PDE4B: variants seen among roughly 807,000 people sequenced by gnomAD.
PDE4B encodes the protein 3',5'-cyclic-AMP phosphodiesterase 4B.
Under a neutral mutation model 82.2 loss-of-function variants are expected in PDE4B, and 20 were observed. The observed-to-expected ratio is 0.24, with a 90% confidence interval of 0.17 to 0.35. The LOEUF (loss-of-function observed/expected upper bound fraction) is 0.35. Among genes scored for constraint, PDE4B ranks in the 10% least tolerant of loss-of-function variants. PDE4B has a pLI of 1.00. For missense variants in PDE4B, 655 were observed against 907.2 expected (o/e 0.72, Z 3.57); for synonymous variants, 320 against 318.9 (o/e 1.00, Z -0.04).
chr1:66,217,529 C>T (rs1452607941), intron 3 of PDE4B, among the ~76,000 whole-genome samples: 2 of 152,028 alleles, frequency 1.3e-5, no homozygotes, highest in Non-Finnish European at 2.9e-5. Context: ...TGGCTGAACT[C>T]GACCAAAAGT....
chr1:66,193,665 T>A (rs1240333766), intron 3 of PDE4B, among the ~76,000 whole-genome samples: 1 of 152,168 alleles, frequency 6.6e-6, no homozygotes, highest in Non-Finnish European at 1.5e-5. Context: ...ATTTGACCTT[T>A]TAACATTTAG....
chr1:65,798,782 A>G (rs963373133), intron 1 of PDE4B, among the ~76,000 whole-genome samples: 1 of 152,228 alleles, frequency 6.6e-6, no homozygotes, highest in African/African-American at 2.4e-5. Context: ...ACCTTAGTTC[A>G]AGATAGCTTA....
At chr1:66,190,369 AGG>A (rs1255106015) in intron 3 of PDE4B, among the ~76,000 whole-genome samples, 1 of 152,204 alleles carries the variant, frequency 6.6e-6, no homozygotes, top group African/African-American at 2.4e-5. Flanking sequence ...GCTGTCAGAC[AGG>A]GACATTGAAG....
At chr1:66,029,966 G>A (rs1653672314) in intron 3 of PDE4B, among the ~76,000 whole-genome samples, 1 of 151,602 alleles carries the variant, frequency 6.6e-6, no homozygotes, top group African/African-American at 2.4e-5. Context: ...CTCAGATTAA[G>A]TGGGATAGTC....
intron 7 of PDE4B, among the ~76,000 whole-genome samples, chr1:66,302,713 A>G (rs373270990): frequency 6.6e-6 from 1 of 152,208 alleles, no homozygotes. Context: ...AAAGTGGAAT[A>G]AAAGCAAAAG....
chr1:66,140,942 T>C (rs1483437966), intron 3 of PDE4B, among the ~76,000 whole-genome samples: 2 of 152,216 alleles, frequency 1.3e-5, no homozygotes, highest in African/African-American at 4.8e-5. Context: ...TTGTGAGATA[T>C]ATTTAACAAC....
At chr1:65,994,397 C>G (rs1451416501) in intron 3 of PDE4B, among the ~76,000 whole-genome samples, 4 of 152,082 alleles carry the variant, frequency 2.6e-5, no homozygotes, top group Non-Finnish European at 5.9e-5. Context: ...GGCTTTATTG[C>G]AGATTTTCTT....
intron 1 of PDE4B, among the ~76,000 whole-genome samples, chr1:65,906,124 T>G (rs748744416): frequency 1.1e-3 from 172 of 152,310 alleles, no homozygotes; most frequent in Non-Finnish European, 1.9e-3. Flanking sequence ...AGTGGCTGTT[T>G]GATAAATACC....
chr1:66,128,081 T>A (rs1168201569), intron 3 of PDE4B, among the ~76,000 whole-genome samples: 1 of 152,222 alleles, frequency 6.6e-6, no homozygotes, highest in African/African-American at 2.4e-5. Flanking sequence ...AATAATACCA[T>A]GTGTTTGAAA....
intron 8 of PDE4B, among the ~76,000 whole-genome samples, chr1:66,338,741 G>A (rs530160654): frequency 5.3e-5 from 8 of 152,258 alleles, no homozygotes; most frequent in South Asian, 4.1e-4. Flanking sequence ...ATTCTTGGCC[G>A]GGCGCGGTGG....
intron 2 of PDE4B, among the ~76,000 whole-genome samples, chr1:65,914,831 T>G (rs1329971567): frequency 6.6e-6 from 1 of 152,184 alleles, no homozygotes; most frequent in East Asian, 1.9e-4. Context: ...GCAATGGATA[T>G]GAACATTAAC....
Position 66,169,784 on chromosome 1 carries a change from G to A in PDE4B, c.282-77676G>A, listed in dbSNP as rs1307280851. Among the ~76,000 whole-genome samples the A allele has an allele frequency of 3.9e-5, 6 of 152,188 alleles. No homozygotes were observed. In the South Asian group the frequency reaches 1.2e-3, roughly 31 times the overall value. On this transcript the variant is annotated intron_variant, in intron 3 of 16. Transcript: ENST00000341517. Reference sequence around the variant, plus strand: ...AAACAGAGGATACTGTTTAAAGGGAGATATTTCTGCAATTTGGGAAACTCA... The same window carrying A: ...AAACAGAGGATACTGTTTAAAGGGAAATATTTCTGCAATTTGGGAAACTCA...
intron 3 of PDE4B, among the ~76,000 whole-genome samples, chr1:66,200,249 C>T (rs1648770253): frequency 1.3e-5 from 2 of 152,108 alleles, no homozygotes; most frequent in Non-Finnish European, 2.9e-5. Flanking sequence ...GTTACTGTAG[C>T]CTTATAGTAT....
chr1:65,852,121 G>T (rs1284173937), intron 1 of PDE4B, among the ~76,000 whole-genome samples: 1 of 151,830 alleles, frequency 6.6e-6, no homozygotes, highest in Admixed American at 6.6e-5. Flanking sequence ...CTATTTCCAA[G>T]AACTTTTGAA....
chr1:66,079,842 C>A (rs1279586901), intron 3 of PDE4B, among the ~76,000 whole-genome samples: 2 of 152,066 alleles, frequency 1.3e-5, no homozygotes, highest in African/African-American at 2.4e-5. Context: ...GTGAAGTAGT[C>A]TTTCCAATTA....
chr1:65,822,071 A>G (rs1645959067), intron 1 of PDE4B, among the ~76,000 whole-genome samples: 1 of 151,972 alleles, frequency 6.6e-6, no homozygotes, highest in Non-Finnish European at 1.5e-5. Context: ...TTTCCCTTAG[A>G]TTTCCTTATA....
At chr1:66,349,610 A>T (rs1661671299) in intron 8 of PDE4B, among the ~76,000 whole-genome samples, 1 of 152,116 alleles carries the variant, frequency 6.6e-6, no homozygotes, top group African/African-American at 2.4e-5. Context: ...CATGTTACCA[A>T]CTCAATTCAA....
intron 3 of PDE4B, among the ~76,000 whole-genome samples, chr1:66,200,185 G>A (rs973690197): frequency 1.3e-5 from 2 of 152,142 alleles, no homozygotes; most frequent in African/African-American, 4.8e-5. Context: ...CGAGGGTTCT[G>A]TTCTATTCCA....
chr1:65,897,246 A>C (rs767007182), intron 1 of PDE4B, among the ~76,000 whole-genome samples: 5 of 152,198 alleles, frequency 3.3e-5, no homozygotes, highest in African/African-American at 1.2e-4. Context: ...ATCCAATTGC[A>C]GAGACCTTAC....
Sources: allele counts gnomAD v4.1 joint callset (sites outside exome capture counted in the v4.1 genomes callset), GRCh38; gene constraint gnomAD v4.1.1; transcripts MANE v1.5; gene names NCBI Gene and HGNC (gene_info 2026-07-23, HGNC 2026-07-21).